Variants in OXCT1 observed in about 807,000 individuals in gnomAD.
OXCT1 encodes 3-oxoacid CoA-transferase 1.
Under a neutral mutation model 69.6 loss-of-function variants are expected in OXCT1, and 27 were observed. That is an observed-to-expected ratio of 0.39 (90% confidence interval 0.29 to 0.54). The LOEUF (loss-of-function observed/expected upper bound fraction) is 0.54, where lower values mean the gene tolerates loss of function less well. OXCT1 is among the 20% of genes least tolerant of loss of function. The pLI is 0.72. For synonymous variants in OXCT1, 202 were observed against 217.8 expected, an observed-to-expected ratio of 0.93 and a Z score of 0.64; for missense variants, 437 against 650.2, an observed-to-expected ratio of 0.67 and a Z score of 3.57.
At chr5:41,782,923 T>A (rs1237634154) in intron 13 of OXCT1, among the ~76,000 whole-genome samples, 2 of 152,220 alleles carry the variant, frequency 1.3e-5, no homozygotes, top group Non-Finnish European at 2.9e-5. Flanking sequence ...TTCTCCTGAT[T>A]CAGGTTTTCT....
At chr5:41,752,681 A>C (rs1743852863) in intron 14 of OXCT1, among the ~76,000 whole-genome samples, 1 of 152,084 alleles carries the variant, frequency 6.6e-6, no homozygotes. Context: ...TGAGCCCAGG[A>C]GGTTGTAGTA....
At chr5:41,803,982 A>C (rs1385531225) in intron 9 of OXCT1, among the ~76,000 whole-genome samples, 1 of 152,132 alleles carries the variant, frequency 6.6e-6, no homozygotes, top group Non-Finnish European at 1.5e-5. Flanking sequence ...CACCAGAACT[A>C]GTACAAAGAA....
chr5:41,785,847 C>T, intron 13 of OXCT1, among the ~76,000 whole-genome samples: 1 of 152,094 alleles, frequency 6.6e-6, no homozygotes, highest in Non-Finnish European at 1.5e-5. Context: ...TTCTCAGCAA[C>T]CAAGGAAGGG....
At chr5:41,753,153 A>G (rs899983912) in intron 14 of OXCT1, among the ~76,000 whole-genome samples, 4 of 152,128 alleles carry the variant, frequency 2.6e-5, no homozygotes, top group East Asian at 3.9e-4. Flanking sequence ...TCACAACAGA[A>G]TGATTTCTTG....
chr5:41,839,266 T>A (rs182887500), intron 7 of OXCT1, among the ~76,000 whole-genome samples: 3 of 152,320 alleles, frequency 2.0e-5, no homozygotes, highest in African/African-American at 7.2e-5. Context: ...TCACCCAGGA[T>A]AATGCATAAC....
At chr5:41,782,376 A>G (rs955004882) in intron 13 of OXCT1, among the ~76,000 whole-genome samples, 1 of 151,894 alleles carries the variant, frequency 6.6e-6, no homozygotes, top group African/African-American at 2.4e-5. Flanking sequence ...CACCATGCCT[A>G]GCAAATTTTT....
intron 13 of OXCT1, among the ~76,000 whole-genome samples, chr5:41,782,423 A>C (rs1054216767): frequency 6.6e-6 from 1 of 152,086 alleles, no homozygotes; most frequent in Non-Finnish European, 1.5e-5. Flanking sequence ...TGTGTTGGCC[A>C]GGCTGGTCTT....
At chr5:41,758,394 T>A (rs896680720) in intron 14 of OXCT1, among the ~76,000 whole-genome samples, 1 of 151,950 alleles carries the variant, frequency 6.6e-6, no homozygotes, top group African/African-American at 2.4e-5. Flanking sequence ...TGTGGAAAAA[T>A]GATTAAGGAG....
At position 41,870,371 on chromosome 5, in the gene OXCT1, A is replaced by G; in HGVS notation, c.-13T>C. 6.2e-7 allele frequency: 1 copy of G among 1,606,274 alleles called. No individual in the cohort carries two copies. The highest frequency in any genetic ancestry group is 8.5e-7 in the Non-Finnish European group (1 of 1,174,508). ...TGAGAGCCGCCATCTTCGGGCGGTG[A>G]GGCAGGAGGAGGCTGCGGGTTGGAG... On this transcript the variant is annotated 5_prime_UTR_variant, in exon 1 of 17. Transcript: ENST00000196371. This position sits in a 1 kb window ranked among gnomAD's most constrained non-coding sequence, Gnocchi z 4.2.
chr5:41,755,510 C>T (rs1332402113), intron 14 of OXCT1, among the ~76,000 whole-genome samples: 1 of 152,048 alleles, frequency 6.6e-6, no homozygotes, highest in East Asian at 1.9e-4. Flanking sequence ...AGAATACTTT[C>T]ATTTTGAGCT....
At chr5:41,781,603 G>A (rs1745402595) in intron 13 of OXCT1, among the ~76,000 whole-genome samples, 1 of 151,920 alleles carries the variant, frequency 6.6e-6, no homozygotes, top group Non-Finnish European at 1.5e-5. Context: ...TGATACTCTC[G>A]CTCCCCCCAT....
At chr5:41,854,204 G>A (rs1204084846) in intron 3 of OXCT1, among the ~76,000 whole-genome samples, 2 of 152,090 alleles carry the variant, frequency 1.3e-5, no homozygotes, top group Admixed American at 6.6e-5. Flanking sequence ...ACAAGCCAGT[G>A]AAGAGTGTTA....
chr5:41,800,669 C>T (rs940325635), intron 11 of OXCT1, among the ~76,000 whole-genome samples: 1 of 151,798 alleles, frequency 6.6e-6, no homozygotes, highest in African/African-American at 2.4e-5. Context: ...GTGATAACTC[C>T]CTGTGGAATT....
intron 13 of OXCT1, among the ~76,000 whole-genome samples, chr5:41,785,252 G>A (rs1043681993): frequency 6.6e-6 from 1 of 152,182 alleles, no homozygotes. Context: ...CAATGGGTCA[G>A]TATTTTTATT....
intron 7 of OXCT1, among the ~76,000 whole-genome samples, chr5:41,822,203 A>G (rs1747586977): frequency 6.6e-6 from 1 of 152,150 alleles, no homozygotes; most frequent in Non-Finnish European, 1.5e-5. Context: ...TGATGGGGCC[A>G]GGGGTTTCTC....
At chr5:41,794,959 T>C (rs1430866495) in intron 11 of OXCT1, among the ~76,000 whole-genome samples, 3 of 152,342 alleles carry the variant, frequency 2.0e-5, no homozygotes, top group South Asian at 2.1e-4. Context: ...TGCATGATGA[T>C]AATGAAAAGC....
intron 4 of OXCT1, among the ~76,000 whole-genome samples, chr5:41,850,938 C>T (rs1293292279): frequency 6.6e-6 from 1 of 152,172 alleles, no homozygotes; most frequent in African/African-American, 2.4e-5. Context: ...GACACCCTTC[C>T]TAACCTTGAC....
intron 1 of OXCT1, among the ~76,000 whole-genome samples, chr5:41,864,593 A>T (rs2112480460): frequency 6.6e-6 from 1 of 152,330 alleles, no homozygotes; most frequent in East Asian, 1.9e-4. Context: ...TCTCCTAGAC[A>T]CACTTAAAAA....
chr5:41,740,065 G>A (rs2112000011), intron 15 of OXCT1, among the ~76,000 whole-genome samples: 1 of 152,186 alleles, frequency 6.6e-6, no homozygotes, highest in South Asian at 2.1e-4. Context: ...ACTGCAACCA[G>A]TTTTTTAAAA....
Sources: gnomAD v4.1 joint callset for allele counts (sites outside exome capture counted in the v4.1 genomes callset) on GRCh38, gnomAD v4.1.1 for gene constraint, Gnocchi (gnomAD v3.1) non-coding constraint, MANE v1.5 for transcripts, NCBI Gene and HGNC (gene_info 2026-07-23, HGNC 2026-07-21) for gene names.